MLLT10: variants seen among roughly 807,000 people sequenced by gnomAD.
MLLT10 encodes the protein protein AF-10.
MLLT10 carries 30 observed loss-of-function variants against 129.1 expected under a neutral mutation model. The observed-to-expected ratio is 0.23, with a 90% CI of 0.17 to 0.32. MLLT10 has a LOEUF of 0.32. MLLT10 is among the 10% of genes least tolerant of loss of function. The probability of loss-of-function intolerance (pLI) is 1.00; values close to 1 mark genes in which losing one functional copy is unlikely to be tolerated. For synonymous variants in MLLT10, 490 were observed against 446.4 expected, an observed-to-expected ratio of 1.10 and a Z score of -1.23; for missense variants, 1,119 against 1,268.3, an observed-to-expected ratio of 0.88 and a Z score of 1.79.
chr10:21,681,804 T>C (rs1357524267), intron 12 of MLLT10, among the ~76,000 whole-genome samples: 1 of 152,154 alleles, frequency 6.6e-6, no homozygotes, highest in Non-Finnish European at 1.5e-5. Context: ...TTTGATAGGG[T>C]TAGATGATAT....
At chr10:21,720,895 TC>T (rs1395576084) in intron 14 of MLLT10, among the ~76,000 whole-genome samples, 3 of 152,206 alleles carry the variant, frequency 2.0e-5, no homozygotes, top group Non-Finnish European at 4.4e-5. Context: ...CTCACAGTGT[TC>T]CTATGAGGTA....
intron 3 of MLLT10, among the ~76,000 whole-genome samples, chr10:21,549,062 T>G (rs897330301): frequency 1.3e-5 from 2 of 152,096 alleles, no homozygotes; most frequent in African/African-American, 4.8e-5. Context: ...CTCTCTGTCT[T>G]TTAAGAATTG....
intron 9 of MLLT10, among the ~76,000 whole-genome samples, chr10:21,662,706 C>T (rs1463719553): frequency 6.6e-6 from 1 of 152,092 alleles, no homozygotes; most frequent in East Asian, 1.9e-4. Flanking sequence ...GATGGTTTTT[C>T]ACTTTATTTA....
chr10:21,718,132 A>G (rs2056880698), intron 14 of MLLT10, among the ~76,000 whole-genome samples: 3 of 151,850 alleles, frequency 2.0e-5, no homozygotes, highest in Admixed American at 1.3e-4. Context: ...GGTGTGGGCC[A>G]CTGCGCCCGG....
chr10:21,724,447 T>G (rs752280129), intron 14 of MLLT10, among the ~76,000 whole-genome samples: 4 of 152,248 alleles, frequency 2.6e-5, no homozygotes, highest in Admixed American at 6.5e-5. Flanking sequence ...GTTATACATA[T>G]CCAAATGTCC....
chr10:21,682,923 G>C (rs888324416), intron 13 of MLLT10, among the ~76,000 whole-genome samples: 1 of 152,138 alleles, frequency 6.6e-6, no homozygotes, highest in Non-Finnish European at 1.5e-5. Flanking sequence ...TTTGAGGCTA[G>C]TGTCAACTTT....
At chr10:21,651,039 GTTGTT>G (rs57639142) in intron 8 of MLLT10, among the ~76,000 whole-genome samples, 73,024 of 148,252 alleles carry the variant, frequency 0.49, 18,498 homozygotes, top group East Asian at 0.89. Flanking sequence ...TGGTGGTTGT[GTTGTT>G]TTGTTTTGTT....
At chr10:21,718,173 C>T (rs994410903) in intron 14 of MLLT10, among the ~76,000 whole-genome samples, 2 of 148,676 alleles carry the variant, frequency 1.3e-5, no homozygotes, top group Non-Finnish European at 3.0e-5. Flanking sequence ...GTGTTAAACC[C>T]TTTTTTTTTT....
intron 5 of MLLT10, among the ~76,000 whole-genome samples, chr10:21,602,748 A>G: frequency 6.8e-6 from 1 of 147,298 alleles, no homozygotes; most frequent in Middle Eastern, 3.3e-3. Flanking sequence ...TTTTTTTTTG[A>G]GACAGTGTCT....
At chr10:21,558,620 A>C (rs2130987981) in intron 3 of MLLT10, among the ~76,000 whole-genome samples, 1 of 151,454 alleles carries the variant, frequency 6.6e-6, no homozygotes, top group South Asian at 2.1e-4. Flanking sequence ...TCCTGGCCTC[A>C]CGCAGTCCTC....
At chr10:21,575,516 A>G (rs1000027362) in intron 3 of MLLT10, among the ~76,000 whole-genome samples, 10 of 152,036 alleles carry the variant, frequency 6.6e-5, no homozygotes, top group African/African-American at 1.9e-4. Flanking sequence ...TTAATTTTAT[A>G]TCTTTTTTTC....
intron 5 of MLLT10, among the ~76,000 whole-genome samples, chr10:21,606,172 TC>T (rs1174626514): frequency 6.6e-6 from 1 of 152,220 alleles, no homozygotes; most frequent in Admixed American, 6.5e-5. Context: ...AGCTGGCTGT[TC>T]CCTCATCTCT....
intron 4 of MLLT10, among the ~76,000 whole-genome samples, chr10:21,594,598 G>A (rs1443306534): frequency 1.6e-5 from 2 of 122,138 alleles, no homozygotes; most frequent in Non-Finnish European, 1.6e-5. Context: ...CCTCACCACC[G>A]CTTTCTCTGA....
At chr10:21,697,877 T>C (rs1393333664) in intron 13 of MLLT10, among the ~76,000 whole-genome samples, 3 of 152,238 alleles carry the variant, frequency 2.0e-5, no homozygotes, top group African/African-American at 7.2e-5. Flanking sequence ...GTTTCTGTTA[T>C]TGTGTATATT....
intron 3 of MLLT10, among the ~76,000 whole-genome samples, chr10:21,568,117 C>G (rs572059991): frequency 6.6e-5 from 10 of 152,294 alleles, no homozygotes; most frequent in Non-Finnish European, 8.8e-5. Flanking sequence ...CGCACCCGGC[C>G]TTGTTGGGGG....
At chr10:21,547,544 A>G (rs2036294813) in intron 3 of MLLT10, among the ~76,000 whole-genome samples, 1 of 146,366 alleles carries the variant, frequency 6.8e-6, no homozygotes. Context: ...TTTTTTGGTG[A>G]TAGAGTCTCA....
rs555709749 is a variant in MLLT10, at chr10:21,688,366, AC to A, written c.1699+6112del. On this transcript the variant is annotated intron_variant, in intron 13 of 22. Transcript: ENST00000307729. The stretch of plus-strand genomic sequence containing the variant: ...TTACATAGGTTTCATGGGGATTTTA[AC>A]CCTGATGATCCACCCCCACACTGCA... 1.0e-4 allele frequency: 75 copies of A among 743,878 alleles called. 1 individual carries two copies. The East Asian group carries it at 1.8e-3, about 18-fold the overall frequency. The allele number at this position is 743,878 out of a possible 1,614,324, so 46.1% of individuals were successfully genotyped here. A position where few individuals can be genotyped will look rare whatever the true frequency, so the allele number is the denominator to read the frequency against.
chr10:21,540,787 G>A (rs2035011855), intron 3 of MLLT10, among the ~76,000 whole-genome samples: 1 of 152,180 alleles, frequency 6.6e-6, no homozygotes. Flanking sequence ...TGAAGGTAGA[G>A]AACAAACATT....
chr10:21,548,760 A>G (rs1217956033), intron 3 of MLLT10, among the ~76,000 whole-genome samples: 1 of 152,020 alleles, frequency 6.6e-6, no homozygotes, highest in African/African-American at 2.4e-5. Flanking sequence ...TTTTTTTCTG[A>G]GTAAATTTCT....
Sources: gnomAD v4.1 joint callset for allele counts (sites outside exome capture counted in the v4.1 genomes callset) on GRCh38, gnomAD v4.1.1 for gene constraint, MANE v1.5 for transcripts, NCBI Gene and HGNC (gene_info 2026-07-23, HGNC 2026-07-21) for gene names.